Variants in EYS observed in about 807,000 individuals in gnomAD.
EYS encodes EGF-like photoreceptor maintenance factor.
Under a neutral mutation model 282.1 loss-of-function variants are expected in EYS, and 250 were observed. The ratio of observed to expected loss-of-function variants is 0.89; its 90% CI spans 0.80 to 0.98. The LOEUF (loss-of-function observed/expected upper bound fraction) is 0.98, where lower values mean the gene tolerates loss of function less well. Among genes scored for constraint, EYS ranks in the 50% least tolerant of loss-of-function variants. The pLI is 0.00. For missense variants in EYS, 4,016 were observed against 3,709.0 expected (o/e 1.08, Z -2.15); for synonymous variants, 1,355 against 1,282.9 (o/e 1.06, Z -1.20).
chr6:64,719,731 C>G (rs1473428379), intron 22 of EYS, among the ~76,000 whole-genome samples: 1 of 152,102 alleles, frequency 6.6e-6, no homozygotes, highest in Non-Finnish European at 1.5e-5. Flanking sequence ...GTGGGAAAAC[C>G]CCGTCTCTAC....
chr6:64,239,545 T>C (rs1425030241), intron 30 of EYS, among the ~76,000 whole-genome samples: 1 of 152,152 alleles, frequency 6.6e-6, no homozygotes, highest in Non-Finnish European at 1.5e-5. Flanking sequence ...GCTGCATAAA[T>C]GTCTTCTTTT....
At chr6:65,372,590 T>C (rs923065773) in intron 8 of EYS, among the ~76,000 whole-genome samples, 7 of 152,198 alleles carry the variant, frequency 4.6e-5, no homozygotes, top group East Asian at 1.9e-4. Context: ...TTCAATAGTT[T>C]ATACATATGT....
Position 64,590,481 on chromosome 6 carries a change from CTG to C in EYS, c.5384_5385del (p.Thr1795SerfsTer19). ...ATTGAAAGTGCTGGAGTTGCTGAAACTGTATAAAATGCAACATTGGTGGTGAC... is the reference window on the plus strand; with the variant it reads ...ATTGAAAGTGCTGGAGTTGCTGAAACTATAAAATGCAACATTGGTGGTGAC... ...SEVTTNVAFYTVSATPALSIQ... is the reference protein window; with the variant it reads ...SEVTTNVAFYXVSATPALSIQ... On this transcript the variant is annotated frameshift_variant, in exon 26 of 43. Coordinates refer to ENST00000503581, the MANE Select transcript of EYS (RefSeq NM_001142800.2). LOFTEE classifies it high-confidence loss of function. 6.4e-7 allele frequency: 1 copy of C among 1,551,384 alleles called. No individual in the cohort carries two copies. Among genetic ancestry groups the C allele is most frequent in the Non-Finnish European group, 8.7e-7 (1 of 1,146,780 alleles).
chr6:63,760,904 T>C (rs540228222), intron 41 of EYS, among the ~76,000 whole-genome samples: 1 of 152,018 alleles, frequency 6.6e-6, no homozygotes, highest in Non-Finnish European at 1.5e-5. Context: ...TTTATTTCCA[T>C]TTCTAAAAGC....
chr6:63,740,131 C>T (rs1165933451), intron 41 of EYS, among the ~76,000 whole-genome samples: 3 of 151,926 alleles, frequency 2.0e-5, no homozygotes, highest in African/African-American at 7.3e-5. Flanking sequence ...TGCTATATTC[C>T]AGATGTTAAT....
intron 1 of EYS, among the ~76,000 whole-genome samples, chr6:65,695,710 T>A (rs1439795821): frequency 1.3e-5 from 2 of 151,984 alleles, no homozygotes; most frequent in Admixed American, 6.6e-5. Context: ...ATTTTATAAA[T>A]ACATGCACAT....
At position 64,114,553 on chromosome 6, in the gene EYS, G is replaced by A. The variant is rs3013171; in HGVS notation, c.6425-32551C>T. ...CATAGAGAGGATTGCTTGGGTGATT[G>A]ATGTGCCAGAAACATCTAGAGATAG... On this transcript the variant is annotated intron_variant, in intron 31 of 42. Coordinates refer to ENST00000503581, the MANE Select transcript of EYS (RefSeq NM_001142800.2). Among the ~76,000 whole-genome samples the A allele has an allele frequency of 2.9e-3, 440 of 152,282 alleles. 2 individuals are homozygous for A. Among genetic ancestry groups the A allele is most frequent in the African/African-American group, 0.01 (417 of 41,552 alleles).
chr6:64,977,216 A>G (rs1388852338), intron 14 of EYS, among the ~76,000 whole-genome samples: 1 of 151,820 alleles, frequency 6.6e-6, no homozygotes, highest in Non-Finnish European at 1.5e-5. Flanking sequence ...TTTTTCTAAC[A>G]TGTGCATACT....
intron 12 of EYS, among the ~76,000 whole-genome samples, chr6:65,099,907 A>C (rs1283902118): frequency 2.0e-5 from 3 of 150,930 alleles, no homozygotes; most frequent in South Asian, 2.1e-4. Context: ...CAAATTGATC[A>C]ACACTTCATG....
intron 31 of EYS, among the ~76,000 whole-genome samples, chr6:64,101,159 C>A (rs576548311): frequency 4.8e-4 from 73 of 152,110 alleles, no homozygotes; most frequent in African/African-American, 1.6e-3. Context: ...AACTCAACTA[C>A]AAATTCAAAA....
intron 11 of EYS, among the ~76,000 whole-genome samples, chr6:65,312,199 A>AAC (rs1291639368): frequency 1.3e-5 from 2 of 151,076 alleles, no homozygotes; most frequent in Non-Finnish European, 2.9e-5. Context: ...AAGTGCCTTT[A>AAC]ATATGTTTCC....
At chr6:64,619,428 C>A (rs1767376088) in intron 23 of EYS, among the ~76,000 whole-genome samples, 1 of 151,224 alleles carries the variant, frequency 6.6e-6, no homozygotes, top group Admixed American at 6.6e-5. Context: ...AGCTTGTACT[C>A]AACCCCACTA....
chr6:64,256,750 G>A (rs533055832), intron 30 of EYS, among the ~76,000 whole-genome samples: 274 of 152,112 alleles, frequency 1.8e-3, no homozygotes, highest in African/African-American at 6.0e-3. Context: ...AGCTATGAAG[G>A]AGTGAAAGGC....
chr6:65,310,446 C>T (rs1040844303), intron 11 of EYS, among the ~76,000 whole-genome samples: 1 of 152,002 alleles, frequency 6.6e-6, no homozygotes, highest in African/African-American at 2.4e-5. Flanking sequence ...CCTCTGAGTA[C>T]CCACACTCTT....
chr6:65,001,432 T>G (rs1306074631), intron 13 of EYS, among the ~76,000 whole-genome samples: 1 of 147,578 alleles, frequency 6.8e-6, no homozygotes, highest in African/African-American at 2.4e-5. Context: ...ATGTTCCTCC[T>G]CTTCTCTCTT....
intron 23 of EYS, among the ~76,000 whole-genome samples, chr6:64,623,310 G>A (rs952272603): frequency 1.3e-5 from 2 of 152,018 alleles, no homozygotes; most frequent in Non-Finnish European, 2.9e-5. Context: ...TAACATTTTG[G>A]GGGAATATGA....
intron 31 of EYS, among the ~76,000 whole-genome samples, chr6:64,153,194 A>G (rs1289454066): frequency 6.6e-6 from 1 of 152,202 alleles, no homozygotes; most frequent in African/African-American, 2.4e-5. Flanking sequence ...AAGGATACCT[A>G]GCCACTGAGA....
At chr6:64,943,406 A>G (rs1374625114) in intron 15 of EYS, among the ~76,000 whole-genome samples, 3 of 152,052 alleles carry the variant, frequency 2.0e-5, no homozygotes, top group Admixed American at 6.6e-5. Flanking sequence ...AAGTCAAACT[A>G]TCTCTCCTTA....
At chr6:64,930,325 C>T (rs2150086613) in intron 15 of EYS, among the ~76,000 whole-genome samples, 1 of 151,960 alleles carries the variant, frequency 6.6e-6, no homozygotes. Context: ...TTGTTCAAAC[C>T]TCCGGTTTTT....
Sources: allele counts gnomAD v4.1 joint callset (sites outside exome capture counted in the v4.1 genomes callset), GRCh38; gene constraint gnomAD v4.1.1; transcripts MANE v1.5; gene names NCBI Gene and HGNC (gene_info 2026-07-23, HGNC 2026-07-21).